Variants in WDR41 observed in about 807,000 individuals in gnomAD.
WDR41 encodes WD repeat domain 41.
In WDR41, 63 loss-of-function variants were observed where a neutral mutation model predicts 69.3. The observed-to-expected ratio is 0.91, with a 90% CI of 0.74 to 1.12. WDR41 has a LOEUF of 1.12. Ranked by LOEUF, WDR41 falls within the 50% of genes most tolerant of loss-of-function variation. WDR41 has a pLI of 0.00. For missense variants in WDR41, 543 were observed against 534.5 expected (o/e 1.02, Z -0.16); for synonymous variants, 185 against 192.1 (o/e 0.96, Z 0.31).
chr5:77,605,842 G>C (rs761920691), intron 1 of WDR41, among the ~76,000 whole-genome samples: 24 of 152,046 alleles, frequency 1.6e-4, no homozygotes, highest in Non-Finnish European at 3.2e-4. Context: ...AAAAAACTTT[G>C]ACTGATAGAC....
At chr5:77,478,609 T>C (rs1801078345) in intron 2 of WDR41, among the ~76,000 whole-genome samples, 2 of 152,184 alleles carry the variant, frequency 1.3e-5, no homozygotes, top group African/African-American at 4.8e-5. Flanking sequence ...GAAAAGGCCT[T>C]TGACAAAATT....
intron 1 of WDR41, among the ~76,000 whole-genome samples, chr5:77,518,443 C>A (rs1468152620): frequency 6.6e-6 from 1 of 152,006 alleles, no homozygotes; most frequent in East Asian, 1.9e-4. Flanking sequence ...AATTATTATT[C>A]TGCAGGGCAA....
chr5:77,605,896 T>C (rs1744408705), intron 1 of WDR41, among the ~76,000 whole-genome samples: 1 of 152,050 alleles, frequency 6.6e-6, no homozygotes, highest in South Asian at 2.1e-4. Context: ...AGGATATAGG[T>C]AAATAAAATA....
At chr5:77,438,982 T>C (rs1020953012) in intron 9 of WDR41, among the ~76,000 whole-genome samples, 1 of 152,170 alleles carries the variant, frequency 6.6e-6, no homozygotes, top group Non-Finnish European at 1.5e-5. Flanking sequence ...CCTCACAACA[T>C]CGTGTTAAGA....
At chr5:77,599,422 A>C (rs1158396420) in intron 1 of WDR41, among the ~76,000 whole-genome samples, 1 of 151,408 alleles carries the variant, frequency 6.6e-6, no homozygotes, top group East Asian at 1.9e-4. Context: ...CTGGTCTTGA[A>C]CTCCTGACCT....
At chr5:77,602,288 C>T (rs1011104405) in intron 1 of WDR41, among the ~76,000 whole-genome samples, 9 of 152,120 alleles carry the variant, frequency 5.9e-5, no homozygotes, top group African/African-American at 1.4e-4. Context: ...TACAGGCATG[C>T]GCCACCACGC....
At chr5:77,512,369 T>G (rs867974858) in intron 1 of WDR41, among the ~76,000 whole-genome samples, 1 of 121,570 alleles carries the variant, frequency 8.2e-6, no homozygotes, top group Admixed American at 8.2e-5. Context: ...TGTGTGTGTG[T>G]GTGTGTGTGT....
chr5:77,444,067 G>A (rs1799281274), intron 8 of WDR41, among the ~76,000 whole-genome samples: 1 of 151,858 alleles, frequency 6.6e-6, no homozygotes, highest in Non-Finnish European at 1.5e-5. Context: ...TTTTAGTAGT[G>A]ACGGGTTTCG....
At chr5:77,448,308 G>A (rs952764343) in intron 8 of WDR41, among the ~76,000 whole-genome samples, 1 of 152,100 alleles carries the variant, frequency 6.6e-6, no homozygotes, top group Non-Finnish European at 1.5e-5. Context: ...CTCCATCCAT[G>A]GCTAGAGAAA....
chr5:77,571,843 C>T lies in WDR41; in HGVS notation c.42+48636G>A, dbSNP rs140500378. Among the ~76,000 whole-genome samples, 310 of 152,236 alleles carry T rather than the reference C, an allele frequency of 2.0e-3. 2 individuals carry two copies. The highest frequency in any genetic ancestry group is 7.2e-3 in the African/African-American group (301 of 41,548). On this transcript the variant is annotated intron_variant, in intron 1 of 5. Transcript: ENST00000509971. ...TCAAAACCTGAATTCTTGGCTCAGGCACTAATTGCTGTTAATGTGTTTAAA... is the reference window on the plus strand; with the variant it reads ...TCAAAACCTGAATTCTTGGCTCAGGTACTAATTGCTGTTAATGTGTTTAAA...
At chr5:77,446,246 C>G (rs924381550) in intron 8 of WDR41, among the ~76,000 whole-genome samples, 2 of 152,074 alleles carry the variant, frequency 1.3e-5, no homozygotes, top group African/African-American at 4.8e-5. Flanking sequence ...TCAAAGAGAA[C>G]TACAAACCAC....
upstream of WDR41, among the ~76,000 whole-genome samples, chr5:77,494,126 T>C (rs1199051591): frequency 6.6e-6 from 1 of 152,172 alleles, no homozygotes; most frequent in East Asian, 1.9e-4. Context: ...CGTTAGGATG[T>C]TAAATGTAAT....
intron 1 of WDR41, among the ~76,000 whole-genome samples, chr5:77,535,016 G>A (rs1435756771): frequency 6.6e-6 from 1 of 152,150 alleles, no homozygotes; most frequent in Non-Finnish European, 1.5e-5. Context: ...CACATTAACT[G>A]TTCTGGGTAA....
intron 4 of WDR41, among the ~76,000 whole-genome samples, chr5:77,462,791 T>C (rs900603795): frequency 9.9e-5 from 15 of 152,182 alleles, no homozygotes; most frequent in Non-Finnish European, 2.1e-4. Context: ...ACTGAGATAG[T>C]AAAATAAATT....
chr5:77,471,747 T>G (rs769861757), intron 2 of WDR41, among the ~76,000 whole-genome samples: 4 of 152,154 alleles, frequency 2.6e-5, no homozygotes, highest in Admixed American at 6.5e-5. Flanking sequence ...AATCTCTGAA[T>G]AGACCAATAA....
In WDR41 at chr5:77,591,566, G is replaced by A. The variant is rs370062928; in HGVS notation, c.42+28913C>T. On this transcript the variant is annotated intron_variant, in intron 1 of 5. Coordinates refer to the WDR41 transcript ENST00000509971. The stretch of plus-strand genomic sequence containing the variant: ...AAGCATCCCATTAAGCCTGGCTTTC[G>A]CTGTATCTTGTAAGTTTTAGTCTGC... Among the ~76,000 whole-genome samples, 13 of 152,064 alleles carry A rather than the reference G, an allele frequency of 8.5e-5. No homozygotes were observed. The South Asian group carries it at 1.2e-3, about 15-fold the overall frequency.
chr5:77,505,288 G>C (rs1409221201), intron 1 of WDR41, among the ~76,000 whole-genome samples: 1 of 152,150 alleles, frequency 6.6e-6, no homozygotes, highest in Non-Finnish European at 1.5e-5. Context: ...TTGCTACAAA[G>C]AGAGTAAAAT....
chr5:77,461,782 G>A (rs1401333621), intron 4 of WDR41, among the ~76,000 whole-genome samples: 3 of 151,728 alleles, frequency 2.0e-5, no homozygotes, highest in African/African-American at 4.8e-5. Flanking sequence ...AGGCTGCAGT[G>A]AGCCGAGATT....
chr5:77,544,803 A>G (rs2112230342), intron 1 of WDR41, among the ~76,000 whole-genome samples: 1 of 152,214 alleles, frequency 6.6e-6, no homozygotes, highest in East Asian at 1.9e-4. Flanking sequence ...TTTAAACTAT[A>G]CCTTGGAACA....
Sources: allele counts gnomAD v4.1 joint callset (sites outside exome capture counted in the v4.1 genomes callset), GRCh38; gene constraint gnomAD v4.1.1; transcripts MANE v1.5; gene names NCBI Gene and HGNC (gene_info 2026-07-23, HGNC 2026-07-21).